CDIN1: variants seen among roughly 807,000 people sequenced by gnomAD.
CDIN1 encodes the protein CDAN1-interacting nuclease 1.
Under a neutral mutation model 45.3 loss-of-function variants are expected in CDIN1, and 33 were observed. The observed-to-expected ratio is 0.73, with a 90% confidence interval of 0.55 to 0.97. The LOEUF is 0.97. CDIN1 is among the 50% of genes least tolerant of loss of function. The pLI is 0.00. For synonymous variants in CDIN1, 118 were observed against 124.4 expected, an observed-to-expected ratio of 0.95 and a Z score of 0.34; for missense variants, 303 against 339.4, an observed-to-expected ratio of 0.89 and a Z score of 0.84.
chr15:36,640,257 G>C (rs1459381851), intron 1 of CDIN1, among the ~76,000 whole-genome samples: 1 of 152,172 alleles, frequency 6.6e-6, no homozygotes, highest in Non-Finnish European at 1.5e-5. Flanking sequence ...GGGGGCGTTG[G>C]GGGAGGTCAA....
intron 5 of CDIN1, among the ~76,000 whole-genome samples, chr15:36,659,413 A>G (rs2040903542): frequency 6.6e-6 from 1 of 152,176 alleles, no homozygotes; most frequent in South Asian, 2.1e-4. Context: ...GCATGAATAC[A>G]CTGGAGAAGG....
chr15:36,737,760 T>C lies in CDIN1; in HGVS notation c.716+27799T>C, dbSNP rs550951818. Among the ~76,000 whole-genome samples the C allele has an allele frequency of 2.8e-4, 42 of 152,298 alleles. 1 individual carries two copies. In the South Asian group the frequency reaches 8.7e-3, roughly 32 times the overall value. ...AATTTAACCCAAATAAGAATACTCATATACAGGGAAATGCCTGGAGCTGCT... is the reference window on the plus strand; with the variant it reads ...AATTTAACCCAAATAAGAATACTCACATACAGGGAAATGCCTGGAGCTGCT... On this transcript the variant is annotated intron_variant, in intron 10 of 10. Transcript: ENST00000566621.
intron 1 of CDIN1, among the ~76,000 whole-genome samples, chr15:36,633,851 G>A (rs902572848): frequency 2.6e-5 from 4 of 151,302 alleles, no homozygotes; most frequent in South Asian, 2.1e-4. Context: ...TCTGTCTCCC[G>A]GGTTCAAGCA....
rs1261952582 is a variant in CDIN1, at chr15:36,792,213, A to G, written c.717-16111A>G. On this transcript the variant is annotated intron_variant, in intron 10 of 10. Coordinates refer to ENST00000566621, the MANE Select transcript of CDIN1 (RefSeq NM_001321759.2). ...CCGCAGCCCCAGCCCTGGTGGCTCT[A>G]TGGGGCCATCTTAGAGCCATAGAGT... Among the ~76,000 whole-genome samples, 4 of 152,274 alleles carry G rather than the reference A, an allele frequency of 2.6e-5. No individual in the cohort carries two copies. In the East Asian group the frequency reaches 5.8e-4, roughly 22 times the overall value.
chr15:36,727,227 A>G (rs1043299722), intron 10 of CDIN1, among the ~76,000 whole-genome samples: 1 of 152,134 alleles, frequency 6.6e-6, no homozygotes, highest in Non-Finnish European at 1.5e-5. Flanking sequence ...GGTAAAATTC[A>G]GACAGAAGAC....
Position 36,579,833 on chromosome 15 carries a change from C to G in CDIN1, c.-28C>G. 6.3e-7 allele frequency: 1 copy of G among 1,588,304 alleles called. No homozygotes were observed. ...AGCCCCAGGGTGTTTTTTCCTTGTT[C>G]CCGCCACCTCCTGGTCCCTGGCCCA... On this transcript the variant is annotated 5_prime_UTR_variant, in exon 1 of 11. Coordinates refer to ENST00000566621, the MANE Select transcript of CDIN1 (RefSeq NM_001321759.2).
At chr15:36,724,313 G>A (rs1444621750) in intron 10 of CDIN1, among the ~76,000 whole-genome samples, 1 of 152,140 alleles carries the variant, frequency 6.6e-6, no homozygotes, top group Non-Finnish European at 1.5e-5. Context: ...AAATGGAAGG[G>A]GACCGTATAG....
intron 10 of CDIN1, among the ~76,000 whole-genome samples, chr15:36,746,099 C>T (rs1465382538): frequency 2.0e-5 from 3 of 152,182 alleles, no homozygotes; most frequent in Admixed American, 6.5e-5. Flanking sequence ...TGTGACACCA[C>T]AGACTTCAGT....
At chr15:36,730,390 C>T (rs1370093430) in intron 10 of CDIN1, among the ~76,000 whole-genome samples, 1 of 152,018 alleles carries the variant, frequency 6.6e-6, no homozygotes, top group African/African-American at 2.4e-5. Flanking sequence ...TACAGAGTAT[C>T]CTGTGAAGAT....
At chr15:36,612,621 C>T (rs1349546784) in intron 1 of CDIN1, among the ~76,000 whole-genome samples, 1 of 152,094 alleles carries the variant, frequency 6.6e-6, no homozygotes. Flanking sequence ...AGTCACGTAG[C>T]CTTTTAGTAA....
chr15:36,617,207 A>G, intron 1 of CDIN1: 3 of 868,560 alleles, frequency 3.5e-6, no homozygotes, highest in Non-Finnish European at 6.0e-6. Flanking sequence ...CATAGAACTG[A>G]AAGCTCTTGG....
chr15:36,773,441 A>T (rs1385366959), intron 10 of CDIN1, among the ~76,000 whole-genome samples: 1 of 152,250 alleles, frequency 6.6e-6, no homozygotes, highest in Non-Finnish European at 1.5e-5. Context: ...TAATTGTATT[A>T]GTTATTTTTT....
At chr15:36,769,258 C>T (rs1351111299) in intron 10 of CDIN1, among the ~76,000 whole-genome samples, 1 of 152,162 alleles carries the variant, frequency 6.6e-6, no homozygotes, top group Non-Finnish European at 1.5e-5. Context: ...GGAACTGACT[C>T]ATGTGATTGT....
At chr15:36,739,474 C>G (rs770657024) in intron 10 of CDIN1, among the ~76,000 whole-genome samples, 1 of 152,160 alleles carries the variant, frequency 6.6e-6, no homozygotes, top group Non-Finnish European at 1.5e-5. Flanking sequence ...TGTCTCCTCT[C>G]TCCCTCGCTT....
intron 10 of CDIN1, chr15:36,755,815 C>T (rs564869330): frequency 4.9e-5 from 9 of 185,510 alleles, no homozygotes; most frequent in South Asian, 4.0e-4. Context: ...GTGCAGTGGA[C>T]GCTACAGATG....
In CDIN1 at chr15:36,709,224, TGAA is replaced by T; in HGVS notation, c.549_551del (p.Glu183del). Reference sequence around the variant, plus strand: ...AAATAGTGTTTGTTCTTCCTGTAGATGAAGATCAGCTTCGTGCAAAGGGTTATG... The same window carrying T: ...AAATAGTGTTTGTTCTTCCTGTAGATGATCAGCTTCGTGCAAAGGGTTATG... On this transcript the variant is annotated inframe_deletion and splice_region_variant, in exon 9 of 11. Transcript: ENST00000566621. 1 of 1,595,554 alleles carries T rather than the reference TGAA, an allele frequency of 6.3e-7. No homozygotes were observed. The highest frequency in any genetic ancestry group is 2.3e-5 in the East Asian group (1 of 44,324).
At chr15:36,626,700 T>C in intron 1 of CDIN1, 1 of 421,016 alleles carries the variant, frequency 2.4e-6, no homozygotes. Context: ...TGGGAGGAGG[T>C]GCTATTCTGG....
intron 10 of CDIN1, among the ~76,000 whole-genome samples, chr15:36,796,563 C>T (rs1484123321): frequency 2.0e-5 from 3 of 152,330 alleles, no homozygotes; most frequent in East Asian, 1.9e-4. Context: ...GATGGCCTCC[C>T]AGACCTGTCT....
intron 3 of CDIN1, among the ~76,000 whole-genome samples, chr15:36,652,781 T>G (rs2040624483): frequency 6.6e-6 from 1 of 152,146 alleles, no homozygotes. Flanking sequence ...TACAGGAAAA[T>G]TATACAACTT....
Sources: gnomAD v4.1 joint callset for allele counts (sites outside exome capture counted in the v4.1 genomes callset) on GRCh38, gnomAD v4.1.1 for gene constraint, MANE v1.5 for transcripts, NCBI Gene and HGNC (gene_info 2026-07-23, HGNC 2026-07-21) for gene names.